RAD54B: variants seen among roughly 807,000 people sequenced by gnomAD.
The protein encoded by RAD54B is RAD54 homolog B.
Under a neutral mutation model 95.8 loss-of-function variants are expected in RAD54B, and 78 were observed. That is an observed-to-expected ratio of 0.81 (90% CI 0.68 to 0.98). The LOEUF (loss-of-function observed/expected upper bound fraction) is 0.98, where lower values mean the gene tolerates loss of function less well. Among genes scored for constraint, RAD54B ranks in the 50% least tolerant of loss-of-function variants. The pLI is 0.00. For missense variants in RAD54B, 957 were observed against 1,056.6 expected (o/e 0.91, Z 1.31); for synonymous variants, 328 against 354.9 (o/e 0.92, Z 0.85).
At chr8:94,378,710 T>A in intron 12 of RAD54B, 76 bp from the exon 13 acceptor site, 1 of 1,026,358 alleles carries the variant, frequency 9.7e-7, no homozygotes, top group South Asian at 1.5e-5. Context: ...TTTGCAGAAA[T>A]ATGTTTTAAA....
At chr8:94,467,240 TA>T (rs1050951255) in intron 2 of RAD54B, among the ~76,000 whole-genome samples, 164 bp downstream of exon 2, 10 of 151,872 alleles carry the variant, frequency 6.6e-5, no homozygotes, top group Non-Finnish European at 2.9e-5. Context: ...TTATTCCTTT[TA>T]AAAAAAAATT....
intron 6 of RAD54B, among the ~76,000 whole-genome samples, chr8:94,401,225 G>GT (rs1049338031): frequency 3.3e-5 from 5 of 152,008 alleles, no homozygotes; most frequent in Non-Finnish European, 1.5e-5. Flanking sequence ...TTATATATGG[G>GT]TTTTTTTCAA....
intron 8 of RAD54B, among the ~76,000 whole-genome samples, chr8:94,395,289 G>A (rs1267008160): frequency 6.6e-6 from 1 of 152,140 alleles, no homozygotes; most frequent in East Asian, 1.9e-4. Flanking sequence ...AGAGCTCTCA[G>A]GAGAAAGGGA....
intron 5 of RAD54B, among the ~76,000 whole-genome samples, chr8:94,404,838 G>C (rs1186758011): frequency 6.6e-6 from 1 of 152,038 alleles, no homozygotes; most frequent in African/African-American, 2.4e-5. Flanking sequence ...TCTGGGGACA[G>C]AGTATCACTC....
At chr8:94,409,080 A>G (rs547822277) in intron 4 of RAD54B, among the ~76,000 whole-genome samples, 2 of 152,126 alleles carry the variant, frequency 1.3e-5, no homozygotes, top group South Asian at 4.1e-4. Flanking sequence ...CAATTTTAGC[A>G]TTCCAGCTTT....
At chr8:94,457,551 T>C (rs1417075758) in intron 3 of RAD54B, among the ~76,000 whole-genome samples, 2 of 152,222 alleles carry the variant, frequency 1.3e-5, no homozygotes, top group African/African-American at 2.4e-5. Flanking sequence ...TTAGGGCACT[T>C]TGTTGATTTG....
intron 3 of RAD54B, among the ~76,000 whole-genome samples, chr8:94,446,109 G>C (rs2921387): frequency 0.56 from 85,737 of 151,978 alleles, 26,306 homozygotes; most frequent in East Asian, 0.82. Context: ...GTATTTTAAA[G>C]TCTTTAGCCA....
chr8:94,412,370 ATTT>A (rs66586571), intron 3 of RAD54B, among the ~76,000 whole-genome samples: 175 of 147,990 alleles, frequency 1.2e-3, no homozygotes, highest in Middle Eastern at 3.4e-3. Context: ...TGCCAATTTC[ATTT>A]TTTTTTTTTT....
chr8:94,431,760 G>A (rs1043145920), intron 3 of RAD54B: 2 of 996,946 alleles, frequency 2.0e-6, no homozygotes, highest in African/African-American at 1.7e-5. Context: ...AAATTAGACT[G>A]ACTTAAAAAT....
At chr8:94,465,476 G>A (rs1332972974) in intron 2 of RAD54B, among the ~76,000 whole-genome samples, 2 of 152,150 alleles carry the variant, frequency 1.3e-5, no homozygotes, top group African/African-American at 4.8e-5. Flanking sequence ...CAACTACTGA[G>A]ATGCCAATAA....
At chr8:94,402,580 G>A (rs1306063519) in intron 6 of RAD54B, among the ~76,000 whole-genome samples, 1 of 151,988 alleles carries the variant, frequency 6.6e-6, no homozygotes, top group Admixed American at 6.6e-5. Flanking sequence ...AACTAAATAT[G>A]CTACTATTCA....
chr8:94,410,090 G>C (rs1020951094), intron 4 of RAD54B, among the ~76,000 whole-genome samples: 1 of 152,106 alleles, frequency 6.6e-6, no homozygotes, highest in Non-Finnish European at 1.5e-5. Flanking sequence ...CTACATTCCT[G>C]AAACACTGAA....
In RAD54B at chr8:94,468,532, G is replaced by GAA. The variant is rs56230686; in HGVS notation, c.-16-979_-16-978dup. ...CGTCTCTATTAAAAATTAAAATTAAGAAAAAAAAAAAGGCCGAGCACGGTG... is the reference window on the plus strand; with the variant it reads ...CGTCTCTATTAAAAATTAAAATTAAGAAAAAAAAAAAAAGGCCGAGCACGGTG... On this transcript the variant is annotated intron_variant, in intron 1 of 14. Transcript: ENST00000336148. Among the ~76,000 whole-genome samples the GAA allele has an allele frequency of 8.4e-3, 1,218 of 145,224 alleles. 19 individuals are homozygous for GAA. Among genetic ancestry groups the GAA allele is most frequent in the African/African-American group, 0.029 (1,131 of 39,224 alleles).
At chr8:94,429,203 C>T (rs1040842089) in intron 3 of RAD54B, 41 of 719,812 alleles carry the variant, frequency 5.7e-5, no homozygotes, top group Non-Finnish European at 6.3e-5. Flanking sequence ...TGAATTGTGT[C>T]ACCTAACACA....
At chr8:94,372,836 T>G (rs747614847) in intron 14 of RAD54B, among the ~76,000 whole-genome samples, 1 of 152,176 alleles carries the variant, frequency 6.6e-6, no homozygotes, top group Non-Finnish European at 1.5e-5. Flanking sequence ...TAAAGACTAT[T>G]GATAAACTCA....
chr8:94,431,050 G>A, intron 3 of RAD54B: 1 of 984,866 alleles, frequency 1.0e-6, no homozygotes. Flanking sequence ...TCTACAACTT[G>A]GCTTAAAAAT....
intron 3 of RAD54B, among the ~76,000 whole-genome samples, chr8:94,439,496 T>C (rs904355799): frequency 1.1e-4 from 17 of 152,176 alleles, no homozygotes; most frequent in East Asian, 1.9e-4. Context: ...TTTTTAGAGA[T>C]TGATTCTGAG....
At chr8:94,422,464 G>A (rs555825357) in intron 3 of RAD54B, among the ~76,000 whole-genome samples, 29 of 150,340 alleles carry the variant, frequency 1.9e-4, no homozygotes, top group African/African-American at 6.8e-4. Flanking sequence ...GTACACGCCT[G>A]TAGTGCCGGC....
At chr8:94,389,664 A>C (rs1344577903) in intron 10 of RAD54B, among the ~76,000 whole-genome samples, 1 of 152,208 alleles carries the variant, frequency 6.6e-6, no homozygotes, top group East Asian at 1.9e-4. Flanking sequence ...CTTGGGAAAC[A>C]ATTTAGTTTC....
Sources: gnomAD v4.1 joint callset for allele counts (sites outside exome capture counted in the v4.1 genomes callset) on GRCh38, gnomAD v4.1.1 for gene constraint, MANE v1.5 for transcripts, NCBI Gene and HGNC (gene_info 2026-07-23, HGNC 2026-07-21) for gene names.